The following BABAM2 variants were observed in gnomAD, a reference collection of about 807,000 sequenced individuals.
BABAM2 encodes the protein BRISC and BRCA1 A complex member 2.
A neutral mutation model predicts 54.7 loss-of-function variants in BABAM2; 31 were observed. That is an observed-to-expected ratio of 0.57 (90% CI 0.43 to 0.77). BABAM2 has a LOEUF of 0.77. Among genes scored for constraint, BABAM2 ranks in the 30% least tolerant of loss-of-function variants. The pLI is 0.00. For synonymous variants in BABAM2, 167 were observed against 162.9 expected, an observed-to-expected ratio of 1.03 and a Z score of -0.19; for missense variants, 364 against 455.8, an observed-to-expected ratio of 0.80 and a Z score of 1.83.
intron 6 of BABAM2, among the ~76,000 whole-genome samples, chr2:28,086,488 A>G (rs939520821): frequency 6.6e-6 from 1 of 152,226 alleles, no homozygotes; most frequent in Admixed American, 6.5e-5. Flanking sequence ...TACCTGTTCA[A>G]TGCATGTGAA....
At chr2:28,208,707 A>G (rs1214276136) in intron 7 of BABAM2, among the ~76,000 whole-genome samples, 2 of 145,918 alleles carry the variant, frequency 1.4e-5, no homozygotes, top group African/African-American at 5.1e-5. Flanking sequence ...CATATTTTTC[A>G]GATAATCATG....
chr2:28,308,809 G>C (rs1054025014), intron 11 of BABAM2: 1 of 162,174 alleles, frequency 6.2e-6, no homozygotes, highest in Non-Finnish European at 1.3e-5. Flanking sequence ...GTTTAAACCT[G>C]TCTCTGCCAC....
At chr2:27,944,908 C>G (rs1330723075) in intron 3 of BABAM2, among the ~76,000 whole-genome samples, 1 of 151,218 alleles carries the variant, frequency 6.6e-6, no homozygotes, top group Admixed American at 6.6e-5. Context: ...ATTAGTTTTT[C>G]TATATTCTTG....
At chr2:28,328,549 T>C (rs1572428062) in intron 11 of BABAM2, among the ~76,000 whole-genome samples, 1 of 152,164 alleles carries the variant, frequency 6.6e-6, no homozygotes, top group African/African-American at 2.4e-5. Flanking sequence ...CATCTTACAA[T>C]TACCCAAAGA....
At chr2:27,962,561 A>C (rs1316664354) in intron 3 of BABAM2, among the ~76,000 whole-genome samples, 1 of 152,364 alleles carries the variant, frequency 6.6e-6, no homozygotes. Flanking sequence ...TGAAGTTATC[A>C]AAAGATTTTA....
chr2:28,287,010 T>G (rs1055278482), intron 10 of BABAM2, among the ~76,000 whole-genome samples: 1 of 152,182 alleles, frequency 6.6e-6, no homozygotes, highest in African/African-American at 2.4e-5. Flanking sequence ...TACTTCGCAT[T>G]GGGGTAGTCA....
At chr2:27,974,391 G>A (rs1308273114) in intron 3 of BABAM2, among the ~76,000 whole-genome samples, 1 of 151,974 alleles carries the variant, frequency 6.6e-6, no homozygotes, top group Non-Finnish European at 1.5e-5. Flanking sequence ...ATGTATACAA[G>A]TAAAATAATA....
At chr2:27,925,528 C>G (rs1056890374) in intron 2 of BABAM2, among the ~76,000 whole-genome samples, 1 of 152,188 alleles carries the variant, frequency 6.6e-6, no homozygotes, top group African/African-American at 2.4e-5. Context: ...GACCAGTAAG[C>G]ATCCCTGGGG....
intron 7 of BABAM2, among the ~76,000 whole-genome samples, chr2:28,231,785 CTTTTTTTT>C (rs549515372): frequency 3.0e-3 from 174 of 57,562 alleles, no homozygotes; most frequent in East Asian, 0.013. Context: ...AGAGAGATGT[CTTTTTTTT>C]TTTTTTTTTT....
chr2:28,148,730 T>A (rs892010636), intron 7 of BABAM2, among the ~76,000 whole-genome samples: 1 of 152,182 alleles, frequency 6.6e-6, no homozygotes, highest in Non-Finnish European at 1.5e-5. Context: ...AAACAAGAGC[T>A]GTACTGTCAC....
intron 6 of BABAM2, among the ~76,000 whole-genome samples, chr2:28,105,228 C>T (rs1038659209): frequency 1.4e-5 from 2 of 146,128 alleles, no homozygotes; most frequent in Admixed American, 6.8e-5. Context: ...TTTGTGATGT[C>T]AAAAAAAAAA....
chr2:28,183,434 C>CT (rs1558414432), intron 7 of BABAM2, among the ~76,000 whole-genome samples: 1 of 152,100 alleles, frequency 6.6e-6, no homozygotes, highest in African/African-American at 2.4e-5. Context: ...GAGCAAGACT[C>CT]TATCTCCAAA....
At chr2:28,187,664 T>G (rs1676461067) in intron 7 of BABAM2, among the ~76,000 whole-genome samples, 3 of 33,264 alleles carry the variant, frequency 9.0e-5, no homozygotes, top group African/African-American at 2.3e-4. Context: ...ACTTTGGAAT[T>G]TTTTTTTTTT....
intron 5 of BABAM2, among the ~76,000 whole-genome samples, chr2:28,028,361 T>C (rs1558669325): frequency 6.6e-6 from 1 of 152,072 alleles, no homozygotes; most frequent in Non-Finnish European, 1.5e-5. Context: ...TTCTATTTGT[T>C]AGGTCCAATA....
At chr2:27,993,394 T>A (rs1672912071) in intron 4 of BABAM2, among the ~76,000 whole-genome samples, 1 of 152,068 alleles carries the variant, frequency 6.6e-6, no homozygotes, top group Non-Finnish European at 1.5e-5. Flanking sequence ...ATTAAAATTT[T>A]AAAAAGTAGA....
Position 28,298,485 on chromosome 2 carries a change from G to A in BABAM2, c.1082G>A (p.Arg361Lys). Residue 361 changes from arginine (R) to lysine (K), a missense_variant, in exon 11 of 12, where the codon AGA becomes AAA. By Grantham distance (26) the Arg-to-Lys change is conservative. Coordinates refer to ENST00000379624, the MANE Select transcript of BABAM2 (RefSeq NM_199191.3). ...PRWDGNEMAK[R>K]AKAYFKTFVP... ...TGGGATGGAAATGAAATGGCCAAAAGAGCAAAGTAAGTGAATCTGTCGTTA... is the reference window on the plus strand; with the variant it reads ...TGGGATGGAAATGAAATGGCCAAAAAAGCAAAGTAAGTGAATCTGTCGTTA... The A allele has an allele frequency of 6.2e-7, 1 of 1,614,064 alleles. No homozygotes were observed. Among genetic ancestry groups the A allele is most frequent in the Non-Finnish European group, 8.5e-7 (1 of 1,179,988 alleles).
intron 4 of BABAM2, among the ~76,000 whole-genome samples, chr2:28,013,948 G>A (rs1462825620): frequency 6.6e-6 from 1 of 152,060 alleles, no homozygotes; most frequent in Non-Finnish European, 1.5e-5. Context: ...GATTTAAGAA[G>A]ATAAATCCCT....
intron 6 of BABAM2, among the ~76,000 whole-genome samples, chr2:28,087,330 A>G (rs1345186021): frequency 6.6e-6 from 1 of 152,208 alleles, no homozygotes; most frequent in African/African-American, 2.4e-5. Context: ...ACAGATTTTC[A>G]TGGACTCATC....
intron 7 of BABAM2, among the ~76,000 whole-genome samples, chr2:28,200,615 T>C (rs1243476777): frequency 6.6e-6 from 1 of 152,230 alleles, no homozygotes; most frequent in Non-Finnish European, 1.5e-5. Flanking sequence ...TTTCTCTTGC[T>C]CCCTTGACTG....
Sources: gnomAD v4.1 joint callset for allele counts (sites outside exome capture counted in the v4.1 genomes callset) on GRCh38, gnomAD v4.1.1 for gene constraint, MANE v1.5 for transcripts, NCBI Gene and HGNC (gene_info 2026-07-23, HGNC 2026-07-21) for gene names.